The following ARHGAP15 variants were observed in gnomAD, a reference collection of about 807,000 sequenced individuals.
ARHGAP15 encodes Rho GTPase activating protein 15.
A neutral mutation model predicts 63.7 loss-of-function variants in ARHGAP15; 51 were observed. The ratio of observed to expected loss-of-function variants is 0.80; its 90% CI spans 0.64 to 1.01. The LOEUF is 1.01. ARHGAP15 is among the 50% of genes least tolerant of loss of function. The pLI, the probability that ARHGAP15 is intolerant of heterozygous loss-of-function variation, is 0.00. For missense variants in ARHGAP15, 560 were observed against 564.6 expected (o/e 0.99, Z 0.08); for synonymous variants, 191 against 193.8 (o/e 0.99, Z 0.12).
chr2:143,299,173 T>G (rs1030571084), intron 6 of ARHGAP15, among the ~76,000 whole-genome samples: 11 of 151,654 alleles, frequency 7.3e-5, no homozygotes, highest in African/African-American at 2.7e-4. Context: ...GGATTAAACT[T>G]TTTTTATTCA....
chr2:143,321,200 G>A (rs1684002625), intron 6 of ARHGAP15, among the ~76,000 whole-genome samples: 1 of 152,146 alleles, frequency 6.6e-6, no homozygotes, highest in African/African-American at 2.4e-5. Flanking sequence ...CAGAGAACTA[G>A]AACAAGCACA....
intron 2 of ARHGAP15, among the ~76,000 whole-genome samples, chr2:143,157,004 A>G (rs905287567): frequency 2.6e-5 from 4 of 152,000 alleles, no homozygotes; most frequent in African/African-American, 9.7e-5. Context: ...GATGCCTAAC[A>G]TATTTTATTG....
At chr2:143,501,503 A>G (rs1206955563) in intron 9 of ARHGAP15, among the ~76,000 whole-genome samples, 1 of 152,242 alleles carries the variant, frequency 6.6e-6, no homozygotes, top group Non-Finnish European at 1.5e-5. Context: ...GTTGAAGAAG[A>G]TATCATAAAC....
chr2:143,635,907 C>T (rs1461078126), intron 12 of ARHGAP15, among the ~76,000 whole-genome samples: 6 of 151,970 alleles, frequency 3.9e-5, no homozygotes, highest in Non-Finnish European at 7.4e-5. Flanking sequence ...TTTTCATTGG[C>T]TTATTTATAG....
intron 8 of ARHGAP15, among the ~76,000 whole-genome samples, chr2:143,483,223 A>C (rs1374071050): frequency 6.6e-6 from 1 of 152,232 alleles, no homozygotes; most frequent in Non-Finnish European, 1.5e-5. Context: ...ATATCTCTCT[A>C]ATTAAGAATA....
intron 9 of ARHGAP15, among the ~76,000 whole-genome samples, chr2:143,499,943 C>T (rs1692980125): frequency 6.6e-6 from 1 of 151,956 alleles, no homozygotes; most frequent in Non-Finnish European, 1.5e-5. Flanking sequence ...AACTTTTCTC[C>T]CCCTCCTTAA....
At position 143,310,465 on chromosome 2, in the gene ARHGAP15, A is replaced by C. The variant is rs938353460; in HGVS notation, c.474+59865A>C. Among the ~76,000 whole-genome samples the C allele has an allele frequency of 2.6e-5, 4 of 152,060 alleles. No individual in the cohort carries two copies. The South Asian group carries it at 8.3e-4, about 31-fold the overall frequency. ...GAATGAAGTGCATCTCATTACTAAC[A>C]TAAAGTAGATGGAGCTTGAATAATT... On this transcript the variant is annotated intron_variant, in intron 6 of 13. Coordinates refer to ENST00000295095, the MANE Select transcript of ARHGAP15 (RefSeq NM_018460.4).
At chr2:143,350,677 AAG>A (rs1491014704) in intron 6 of ARHGAP15, among the ~76,000 whole-genome samples, 1 of 147,258 alleles carries the variant, frequency 6.8e-6, no homozygotes, top group East Asian at 1.9e-4. Context: ...AAAAAAAAAA[AAG>A]AAAGAAAAAA....
chr2:143,673,758 G>GTGTGTATATATATATATA (rs1553520615), intron 12 of ARHGAP15, among the ~76,000 whole-genome samples: 15 of 22,122 alleles, frequency 6.8e-4, no homozygotes, highest in Non-Finnish European at 1.3e-3. Flanking sequence ...GTGTGTGTGT[G>GTGTGTATATATATATATA]TATATATATA....
intron 6 of ARHGAP15, among the ~76,000 whole-genome samples, chr2:143,317,107 T>C (rs1237198290): frequency 1.3e-5 from 2 of 152,184 alleles, no homozygotes; most frequent in Non-Finnish European, 2.9e-5. Context: ...CATCACTCTT[T>C]GTAAGCAATT....
At chr2:143,502,986 G>A (rs919060742) in intron 9 of ARHGAP15, among the ~76,000 whole-genome samples, 2 of 145,102 alleles carry the variant, frequency 1.4e-5, no homozygotes, top group African/African-American at 5.5e-5. Context: ...CATGGACATC[G>A]ATCAGAGATC....
chr2:143,326,292 A>G (rs888122863), intron 6 of ARHGAP15, among the ~76,000 whole-genome samples: 1 of 152,154 alleles, frequency 6.6e-6, no homozygotes, highest in African/African-American at 2.4e-5. Context: ...CATTTGATTT[A>G]CTATTATCTG....
rs143482833 is a variant in ARHGAP15 at position 143,297,329 on chromosome 2, A to G, written c.474+46729A>G. ...TTGCACACCATCCATAATGCATTCA[A>G]CTTGAGCAATGTACTGAGTCTGCAG... On this transcript the variant is annotated intron_variant, in intron 6 of 13. Transcript: ENST00000295095. 1.8e-4 allele frequency among the ~76,000 whole-genome samples: 28 copies of G among 152,064 alleles called. No individual in the cohort carries two copies. The East Asian group carries it at 4.5e-3, about 24-fold the overall frequency.
At chr2:143,300,663 G>C (rs1187584628) in intron 6 of ARHGAP15, among the ~76,000 whole-genome samples, 1 of 152,012 alleles carries the variant, frequency 6.6e-6, no homozygotes, top group East Asian at 1.9e-4. Flanking sequence ...TGTCCAAAGA[G>C]AGAACATAGA....
intron 6 of ARHGAP15, among the ~76,000 whole-genome samples, chr2:143,390,401 A>G (rs780399833): frequency 3.9e-5 from 6 of 152,120 alleles, no homozygotes; most frequent in Non-Finnish European, 8.8e-5. Context: ...CTGTCCCTCC[A>G]CATTACCACC....
chr2:143,271,307 G>A (rs1460556981), intron 6 of ARHGAP15, among the ~76,000 whole-genome samples: 2 of 152,148 alleles, frequency 1.3e-5, no homozygotes, highest in East Asian at 3.9e-4. Context: ...CTGTTACTGA[G>A]AGGTCAACAC....
chr2:143,644,110 C>A (rs933053966), intron 12 of ARHGAP15, among the ~76,000 whole-genome samples: 28 of 152,022 alleles, frequency 1.8e-4, no homozygotes, highest in African/African-American at 6.8e-4. Flanking sequence ...AAGTGTGACA[C>A]AGGAACTTTC....
chr2:143,189,222 C>A (rs927167756), intron 2 of ARHGAP15, among the ~76,000 whole-genome samples: 1 of 152,064 alleles, frequency 6.6e-6, no homozygotes, highest in Non-Finnish European at 1.5e-5. Context: ...AGTGATTGTT[C>A]CCCCTTCCTC....
At chr2:143,765,925 A>G (rs1009927928) in intron 13 of ARHGAP15, among the ~76,000 whole-genome samples, 3 of 152,166 alleles carry the variant, frequency 2.0e-5, no homozygotes, top group African/African-American at 7.2e-5. Context: ...TGATGAAATG[A>G]GACAATAAAA....
Sources: gnomAD v4.1 joint callset for allele counts (sites outside exome capture counted in the v4.1 genomes callset) on GRCh38, gnomAD v4.1.1 for gene constraint, MANE v1.5 for transcripts, NCBI Gene and HGNC (gene_info 2026-07-23, HGNC 2026-07-21) for gene names.